TTLL5: variants seen among roughly 807,000 people sequenced by gnomAD.
The protein encoded by TTLL5 is tubulin tyrosine ligase like 5, also known as tubulin polyglutamylase TTLL5.
In TTLL5, 132 loss-of-function variants were observed where a neutral mutation model predicts 168.4. That is an observed-to-expected ratio of 0.78 (90% CI 0.68 to 0.91). The LOEUF (loss-of-function observed/expected upper bound fraction) is 0.91, where lower values mean the gene tolerates loss of function less well. Among genes scored for constraint, TTLL5 ranks in the 40% least tolerant of loss-of-function variants. TTLL5 has a pLI of 0.00. For missense variants in TTLL5, 1,545 were observed against 1,581.5 expected (o/e 0.98, Z 0.39); for synonymous variants, 546 against 558.6 (o/e 0.98, Z 0.32).
At chr14:75,846,588 C>T (rs534439155) in intron 28 of TTLL5, among the ~76,000 whole-genome samples, 2 of 152,000 alleles carry the variant, frequency 1.3e-5, no homozygotes, top group South Asian at 4.2e-4. Flanking sequence ...ATCGGGAGTT[C>T]GAGACCAGCC....
At chr14:75,761,929 T>G (rs1319820630) in intron 18 of TTLL5, among the ~76,000 whole-genome samples, 1 of 152,208 alleles carries the variant, frequency 6.6e-6, no homozygotes, top group African/African-American at 2.4e-5. Flanking sequence ...CTGATGTCTC[T>G]AACTTTGAAT....
At chr14:75,886,703 C>T (rs776581075) in intron 30 of TTLL5, 15 of 1,597,780 alleles carry the variant, frequency 9.4e-6, no homozygotes, top group Middle Eastern at 1.6e-4. Context: ...AATTTAGTAC[C>T]CGCTTCAGAT....
At position 75,745,279 on chromosome 14, in the gene TTLL5, A is replaced by G. The variant is rs537189772; in HGVS notation, c.1395+71A>G. ...TAGTGAAAATTAGTGAGTGATTGAT[A>G]ATATTCATGACAAACTCATGTCTTA... On this transcript the variant is annotated intron_variant, in intron 16 of 31. Transcript: ENST00000298832. The G allele has an allele frequency of 7.6e-5, 109 of 1,429,424 alleles. No homozygotes were observed. The East Asian group carries it at 2.5e-3, about 33-fold the overall frequency. 88.5% of individuals were successfully genotyped at this position (1,429,424 alleles called of 1,614,324 possible).
At chr14:75,679,874 C>T (rs781146128) in intron 3 of TTLL5, among the ~76,000 whole-genome samples, 11 of 152,282 alleles carry the variant, frequency 7.2e-5, no homozygotes, top group South Asian at 2.1e-4. Context: ...ATGAAAAGGA[C>T]GAAGTGATTG....
intron 30 of TTLL5, among the ~76,000 whole-genome samples, chr14:75,898,680 G>T (rs1308291885): frequency 6.6e-6 from 1 of 152,082 alleles, no homozygotes; most frequent in Admixed American, 6.5e-5. Context: ...TATACAACAT[G>T]ATCCCATAAT....
At chr14:75,661,743 C>T (rs968263861) in intron 1 of TTLL5, 4 of 152,256 alleles carry the variant, frequency 2.6e-5, no homozygotes, top group African/African-American at 7.2e-5. Flanking sequence ...TTTGTTTAAA[C>T]TTAAAGGGCT....
At chr14:75,803,505 G>C (rs1359880028) in intron 27 of TTLL5, among the ~76,000 whole-genome samples, 2 of 152,200 alleles carry the variant, frequency 1.3e-5, no homozygotes, top group African/African-American at 4.8e-5. Flanking sequence ...GTGTATACTT[G>C]AAATATAAAG....
chr14:75,941,787 A>G (rs2034612810), intron 31 of TTLL5, among the ~76,000 whole-genome samples: 1 of 149,430 alleles, frequency 6.7e-6, no homozygotes, highest in African/African-American at 2.5e-5. Flanking sequence ...ATAGGTATGT[A>G]TCACCACACC....
intron 28 of TTLL5, among the ~76,000 whole-genome samples, chr14:75,833,012 G>A (rs924632036): frequency 4.6e-5 from 7 of 152,106 alleles, no homozygotes; most frequent in African/African-American, 1.7e-4. Context: ...GTACTGGTGG[G>A]CCAGTCTCCT....
intron 28 of TTLL5, among the ~76,000 whole-genome samples, chr14:75,834,922 GC>G (rs771460971): frequency 6.6e-6 from 1 of 152,004 alleles, no homozygotes; most frequent in Non-Finnish European, 1.5e-5. Context: ...TCAAATATTA[GC>G]CGGGCATGGT....
At chr14:75,676,914 G>A (rs1283687919) in intron 3 of TTLL5, among the ~76,000 whole-genome samples, 1 of 151,668 alleles carries the variant, frequency 6.6e-6, no homozygotes, top group Non-Finnish European at 1.5e-5. Context: ...GCTTGGACTA[G>A]AGACATGTAC....
intron 31 of TTLL5, among the ~76,000 whole-genome samples, chr14:75,918,186 AAC>A (rs2033686982): frequency 6.6e-6 from 1 of 152,154 alleles, no homozygotes; most frequent in Admixed American, 6.5e-5. Flanking sequence ...CAGCAGTTCT[AAC>A]TACCATATCA....
chr14:75,914,814 G>A (rs908936534), intron 31 of TTLL5, among the ~76,000 whole-genome samples: 4 of 151,944 alleles, frequency 2.6e-5, no homozygotes, highest in Non-Finnish European at 4.4e-5. Context: ...CAGTAGAGAC[G>A]GAGCTTCACT....
intron 3 of TTLL5, among the ~76,000 whole-genome samples, chr14:75,678,943 C>G (rs1284247851): frequency 1.3e-5 from 2 of 152,146 alleles, no homozygotes; most frequent in South Asian, 2.1e-4. Context: ...TCTACTGATT[C>G]TTGTTTGAAT....
intron 29 of TTLL5, among the ~76,000 whole-genome samples, chr14:75,870,358 C>G (rs976428348): frequency 4.0e-5 from 6 of 150,382 alleles, no homozygotes; most frequent in African/African-American, 1.5e-4. Flanking sequence ...CCTCCCACCT[C>G]TTGCCTCCCT....
At chr14:75,841,373 C>T (rs992494325) in intron 28 of TTLL5, among the ~76,000 whole-genome samples, 4 of 152,182 alleles carry the variant, frequency 2.6e-5, no homozygotes, top group Non-Finnish European at 5.9e-5. Context: ...GCATTCTTTC[C>T]TTCCTTCCAT....
intron 28 of TTLL5, among the ~76,000 whole-genome samples, chr14:75,846,444 A>C (rs776344359): frequency 6.6e-6 from 1 of 152,194 alleles, no homozygotes; most frequent in Non-Finnish European, 1.5e-5. Flanking sequence ...ATGGTTTAAT[A>C]GTTACAGTAT....
At chr14:75,848,590 A>G (rs1896681669) in intron 28 of TTLL5, among the ~76,000 whole-genome samples, 1 of 152,210 alleles carries the variant, frequency 6.6e-6, no homozygotes, top group African/African-American at 2.4e-5. Flanking sequence ...CTTAAAGGTC[A>G]TTCTTTGCTC....
rs374016756 is a variant in TTLL5 at position 75,764,714 on chromosome 14, G to A, written c.1650G>A (p.Glu550=). 14 of 1,614,022 alleles carry A rather than the reference G, an allele frequency of 8.7e-6. No individual in the cohort carries two copies. The African/African-American group carries it at 1.6e-4, about 18-fold the overall frequency. The stretch of plus-strand genomic sequence containing the variant: ...ACGAGAGGAAGCTCCTGTCTCTGGA[G>A]GTGCGAAAACGTAGACGACGGAGTA... ...ALYERKLLSL[E]VRKRRRRSSR... is the part of the protein sequence containing the mutation. Residue 550 remains glutamate, a synonymous_variant, in exon 19 of 32, where the codon GAG becomes GAA. Transcript: ENST00000298832.
Sources: gnomAD v4.1 joint callset for allele counts (sites outside exome capture counted in the v4.1 genomes callset) on GRCh38, gnomAD v4.1.1 for gene constraint, MANE v1.5 for transcripts, NCBI Gene and HGNC (gene_info 2026-07-23, HGNC 2026-07-21) for gene names.